The following MUC4 variants were observed in gnomAD, a reference collection of about 807,000 sequenced individuals.
MUC4 encodes mucin 4, cell surface associated.
A neutral mutation model predicts 257.9 loss-of-function variants in MUC4; 202 were observed. That is an observed-to-expected ratio of 0.78 (90% confidence interval 0.70 to 0.88). MUC4 has a LOEUF of 0.88. Ranked by LOEUF, MUC4 falls within the 40% of genes least tolerant of loss-of-function variation. The pLI is 0.00. For synonymous variants in MUC4, 2,351 were observed against 2,757.1 expected (o/e 0.85, Z 4.62); for missense variants, 5,976 against 6,513.7 (o/e 0.92, Z 2.84).
At chr3:195,768,595 ATC>A (rs1319692470) in intron 7 of MUC4, among the ~76,000 whole-genome samples, 1 of 152,238 alleles carries the variant, frequency 6.6e-6, no homozygotes, top group Non-Finnish European at 1.5e-5. Flanking sequence ...GTCTATTTGT[ATC>A]TCAGTTTCCT....
At chr3:195,808,981 G>A (rs149898959) in intron 1 of MUC4, among the ~76,000 whole-genome samples, 1 of 152,274 alleles carries the variant, frequency 6.6e-6, no homozygotes, top group Non-Finnish European at 1.5e-5. Flanking sequence ...CCCTGCACTT[G>A]CTCCAGCCTG....
intron 1 of MUC4, among the ~76,000 whole-genome samples, chr3:195,807,446 G>T (rs1163794864): frequency 6.6e-6 from 1 of 151,792 alleles, no homozygotes; most frequent in Non-Finnish European, 1.5e-5. Context: ...GCAGCCTGGG[G>T]GACAGAGAGA....
chr3:195,747,305 G>C lies in MUC4; in HGVS notation c.16110C>G (p.Phe5370Leu), dbSNP rs150165951. The change falls in exon 25 of 25, where the codon TTC (phenylalanine) becomes TTG (leucine). Residue 5370 changes from phenylalanine to leucine, a missense_variant. Coordinates refer to ENST00000463781, the MANE Select transcript of MUC4 (RefSeq NM_018406.7). Reference sequence around the variant, plus strand: ...CGCCCAGGGCCCCAAAGAAGATGCCGAAGAACGCGTCGAGTTTCATGCTCA... The same window carrying C: ...CGCCCAGGGCCCCAAAGAAGATGCCCAAGAACGCGTCGAGTTTCATGCTCA... ...EHLSMKLDAFFGIFFGALGGL... is the reference protein window; with the variant it reads ...EHLSMKLDAFLGIFFGALGGL... 5 of 1,614,050 alleles carry C rather than the reference G, an allele frequency of 3.1e-6. No homozygotes were observed. The African/African-American group carries it at 5.3e-5, about 17-fold the overall frequency.
chr3:195,783,769 C>G lies in MUC4; in HGVS notation c.7811G>C (p.Gly2604Ala). ...GGTGACAGGAAGAGGGGTGGCCTGA[C>G]CTGTGGATGCTGAGTAAGTGTCGGT... ...PVTDTYSAST[G>A]QATPLPVTSL... The change falls in exon 2 of 25, where the codon GGT becomes GCT. Residue 2604 changes from glycine to alanine, a missense_variant. This residue lies in a region of MUC4 where 11 missense variants were observed against 41.8 expected (regional missense o/e 0.26). Transcript: ENST00000463781. 1 of 1,440,454 alleles carries G rather than the reference C, an allele frequency of 6.9e-7. No individual in the cohort carries two copies. The highest frequency in any genetic ancestry group is 2.5e-5 in the East Asian group (1 of 39,670). The allele number at this position is 1,440,454 out of a possible 1,614,324, so 89.2% of individuals were successfully genotyped here. A position where few individuals can be genotyped will look rare whatever the true frequency, so the allele number is the denominator to read the frequency against.
intron 3 of MUC4, among the ~76,000 whole-genome samples, 175 bp from the exon 4 acceptor site, chr3:195,774,480 A>T (rs545412586): frequency 6.6e-6 from 1 of 152,242 alleles, no homozygotes; most frequent in South Asian, 2.1e-4. Context: ...CATTAAATGC[A>T]TGTGGTCATT....
rs535430449 is a variant in MUC4, at chr3:195,766,564, G to A, written c.13618+99C>T. ...GGGGGAGGCCCTTCAGGATGGCCGT[G>A]ATGTTAGGGAGGTGCCCTCTAGGAC... On this transcript the variant is annotated intron_variant, in intron 8 of 24. Transcript: ENST00000463781. The A allele has an allele frequency of 6.6e-6, 7 of 1,067,388 alleles. No homozygotes were observed. The East Asian group carries it at 1.7e-4, about 25-fold the overall frequency. 66.1% of individuals were successfully genotyped at this position (1,067,388 alleles called of 1,614,324 possible). A position where few individuals can be genotyped will look rare whatever the true frequency, so the allele number is the denominator to read the frequency against.
chr3:195,796,172 C>T (rs1734558862), intron 1 of MUC4, among the ~76,000 whole-genome samples: 1 of 152,094 alleles, frequency 6.6e-6, no homozygotes, highest in Admixed American at 6.6e-5. Flanking sequence ...GCAACCTCTG[C>T]CTCCCAGGTT....
chr3:195,754,159 T>G, intron 19 of MUC4, 54 bp downstream of exon 19: 23 of 1,568,708 alleles, frequency 1.5e-5, no homozygotes, highest in Non-Finnish European at 2.0e-5. Flanking sequence ...TCTACACCCT[T>G]GAGCTATCAG....
intron 9 of MUC4, 51 bp from the exon 10 acceptor site, chr3:195,765,173 G>T: frequency 6.3e-7 from 1 of 1,590,248 alleles, no homozygotes; most frequent in Non-Finnish European, 8.6e-7. Flanking sequence ...GCCAGGGGCG[G>T]GGTGGGAACA....
chr3:195,799,677 A>G (rs1399905119), intron 1 of MUC4, among the ~76,000 whole-genome samples: 3 of 152,240 alleles, frequency 2.0e-5, no homozygotes, highest in Non-Finnish European at 4.4e-5. Context: ...GATATTTCCA[A>G]TGTATTGCTT....
intron 7 of MUC4, among the ~76,000 whole-genome samples, chr3:195,767,522 C>CCACCAT (rs1304380777): frequency 3.1e-4 from 36 of 115,338 alleles, no homozygotes; most frequent in Admixed American, 4.8e-4. Context: ...ACCATCACCA[C>CCACCAT]CACCATCGCC....
chr3:195,803,390 C>T (rs373802219), intron 1 of MUC4, among the ~76,000 whole-genome samples: 14 of 152,338 alleles, frequency 9.2e-5, no homozygotes, highest in East Asian at 5.8e-4. Context: ...AATAAATTCA[C>T]GTTCTTCCTA....
intron 19 of MUC4, chr3:195,753,926 C>A (rs1716990331): frequency 2.6e-6 from 1 of 390,378 alleles, no homozygotes; most frequent in Non-Finnish European, 4.5e-6. Flanking sequence ...GGGGCTCCCC[C>A]CATCAATGCC....
chr3:195,773,822 G>A (rs1008324139), intron 4 of MUC4, among the ~76,000 whole-genome samples: 2 of 152,364 alleles, frequency 1.3e-5, no homozygotes, highest in South Asian at 2.1e-4. Flanking sequence ...CTCCCTCAGG[G>A]CCACAGGAGC....
In MUC4 at chr3:195,757,385, T is replaced by G; in HGVS notation, c.14987-57A>C. 1 of 1,495,350 alleles carries G rather than the reference T, an allele frequency of 6.7e-7. No homozygotes were observed. The highest frequency in any genetic ancestry group is 1.9e-5 in the Admixed American group (1 of 53,760). The allele number at this position is 1,495,350 out of a possible 1,614,324, so 92.6% of individuals were successfully genotyped here. ...TGGGAGACTCCTCGGCTCTGTGGTC[T>G]GATTGCTGATACGGGGCTTCCCCCA... On this transcript the variant is annotated intron_variant, in intron 17 of 24. Coordinates refer to ENST00000463781, the MANE Select transcript of MUC4 (RefSeq NM_018406.7). The surrounding 1 kb of genome is among the most constrained non-coding windows in gnomAD (Gnocchi z 4.8).
At position 195,759,139 on chromosome 3, in the gene MUC4, C is replaced by T. The variant is rs759476921; in HGVS notation, c.14971G>A (p.Asp4991Asn). ...ANFTLRDSCTDLELFENGTLL... is the reference protein window; with the variant it reads ...ANFTLRDSCTNLELFENGTLL... ...ATAGTCCTACCAAAGAGCTCCAAGT[C>T]GGTGCAGCTGTCTCTGAGCGTGAAG... The change falls in exon 17 of 25, where the codon GAC becomes AAC. Residue 4991 changes from aspartate to asparagine, a missense_variant. This residue lies in a region of MUC4 where 996 missense variants were observed against 1,137.3 expected (regional missense o/e 0.88). Coordinates refer to ENST00000463781, the MANE Select transcript of MUC4 (RefSeq NM_018406.7). 8.7e-6 allele frequency: 14 copies of T among 1,613,764 alleles called. No homozygotes were observed. Among genetic ancestry groups the T allele is most frequent in the Admixed American group, 5.0e-5 (3 of 59,984 alleles).
chr3:195,789,760 G>C lies in MUC4; in HGVS notation c.1820C>G (p.Ser607Cys). The change falls in exon 2 of 25, where the codon TCC becomes TGC. Residue 607 changes from serine to cysteine, a missense_variant. Around this residue, in one of 44 missense-constraint regions of MUC4, gnomAD observed 1,583 missense variants for 1,257.4 expected, o/e 1.26. Coordinates refer to ENST00000463781, the MANE Select transcript of MUC4 (RefSeq NM_018406.7). ...TGATGGTGCCGTTGTAATTTGTTGG[G>C]ATGTGTGTCTATCCAGCATAGGTGA... ...SSSPMLDRHTSQQITTAPSTN... is the reference protein window; with the variant it reads ...SSSPMLDRHTCQQITTAPSTN... 6.2e-7 allele frequency: 1 copy of C among 1,613,988 alleles called. No homozygotes were observed. The highest frequency in any genetic ancestry group is 1.6e-4 in the Middle Eastern group (1 of 6,062).
chr3:195,778,780 T>A lies in MUC4; in HGVS notation c.12790+10A>T, dbSNP rs377754810. 108 of 1,603,836 alleles carry A rather than the reference T, an allele frequency of 6.7e-5. No individual in the cohort carries two copies. The African/African-American group carries it at 1.4e-3, about 21-fold the overall frequency. On this transcript the variant is annotated intron_variant, in intron 2 of 24. Transcript: ENST00000463781. ...CTGGGAGACATAAAGGCGAGGCAGT[T>A]GGCAGCTACCTGGTGTTTCCATCTT...
At chr3:195,751,649 G>C in intron 21 of MUC4, 1 of 354,080 alleles carries the variant, frequency 2.8e-6, no homozygotes, top group Non-Finnish European at 5.2e-6. Flanking sequence ...GTGTCAAGGT[G>C]ACTTAGGTGG....
Sources: allele counts gnomAD v4.1 joint callset (sites outside exome capture counted in the v4.1 genomes callset), GRCh38; gene constraint gnomAD v4.1.1; regional missense constraint gnomAD v4.1.1; non-coding constraint Gnocchi (gnomAD v3.1); transcripts MANE v1.5; gene names NCBI Gene and HGNC (gene_info 2026-07-23, HGNC 2026-07-21).